The following SAMMSON variants were observed in gnomAD, a reference collection of about 807,000 sequenced individuals.
The protein encoded by SAMMSON is long intergenic non-protein coding RNA 1212.
At chr3:70,037,260 C>T (rs2067088688) in intron 3 of SAMMSON, among the ~76,000 whole-genome samples, 1 of 152,026 alleles carries the variant, frequency 6.6e-6, no homozygotes, top group Non-Finnish European at 1.5e-5. Flanking sequence ...CACTGTCCTT[C>T]CCCTCTGGCT....
intron 2 of SAMMSON, among the ~76,000 whole-genome samples, chr3:70,424,142 TG>T (rs1168656102): frequency 6.6e-6 from 1 of 152,234 alleles, no homozygotes; most frequent in Non-Finnish European, 1.5e-5. Context: ...TACATGTTTG[TG>T]TGGCTTTTTT....
intron 4 of SAMMSON, among the ~76,000 whole-genome samples, chr3:70,221,395 C>T (rs549247793): frequency 4.6e-5 from 7 of 152,194 alleles, no homozygotes; most frequent in African/African-American, 1.7e-4. Flanking sequence ...AAGAAGGGCG[C>T]TGTGCCTTAT....
chr3:70,157,249 ATTG>A lies in SAMMSON; in HGVS notation n.507+85686_507+85688del, dbSNP rs1201391050. 2.0e-5 allele frequency among the ~76,000 whole-genome samples: 3 copies of A among 152,182 alleles called. No homozygotes were observed. The East Asian group carries it at 5.8e-4, about 29-fold the overall frequency. ...ATTTTATCTAGATTCAGGGAGAGTA[ATTG>A]TCAAATCACCTGCCACTCTGGCTAC... On this transcript the variant is annotated intron_variant and non_coding_transcript_variant, in intron 4 of 9. Transcript: ENST00000642114.
At chr3:70,349,774 G>A (rs1178912640) in intron 7 of SAMMSON, among the ~76,000 whole-genome samples, 1 of 152,136 alleles carries the variant, frequency 6.6e-6, no homozygotes, top group African/African-American at 2.4e-5. Context: ...AGTATATTAT[G>A]CATAAACAGA....
chr3:70,028,042 C>G (rs1296120576), intron 3 of SAMMSON, among the ~76,000 whole-genome samples: 1 of 151,742 alleles, frequency 6.6e-6, no homozygotes, highest in Non-Finnish European at 1.5e-5. Flanking sequence ...AATACTTTAC[C>G]TCGTTGAGTC....
chr3:70,172,881 G>A (rs1303389434), intron 4 of SAMMSON: 1 of 151,912 alleles, frequency 6.6e-6, no homozygotes, highest in East Asian at 1.9e-4. Flanking sequence ...TTCCATAATA[G>A]TTATTTAACT....
At chr3:70,360,982 TTC>T (rs1412583525) in intron 9 of SAMMSON, among the ~76,000 whole-genome samples, 1 of 152,150 alleles carries the variant, frequency 6.6e-6, no homozygotes, top group Non-Finnish European at 1.5e-5. Context: ...TTTACCAGCA[TTC>T]TACCATTTAA....
chr3:70,100,321 A>G (rs1282005268), intron 4 of SAMMSON, among the ~76,000 whole-genome samples: 1 of 151,774 alleles, frequency 6.6e-6, no homozygotes, highest in Non-Finnish European at 1.5e-5. Context: ...TAATTTTTGT[A>G]TTTTTTTGTA....
chr3:70,280,383 C>T (rs958107026), intron 6 of SAMMSON, among the ~76,000 whole-genome samples: 15 of 152,144 alleles, frequency 9.9e-5, no homozygotes, highest in African/African-American at 3.6e-4. Flanking sequence ...CAGGACCTGA[C>T]ATTCTGGGTG....
intron 4 of SAMMSON, among the ~76,000 whole-genome samples, chr3:70,101,320 T>C (rs1213124617): frequency 6.6e-6 from 1 of 152,134 alleles, no homozygotes; most frequent in African/African-American, 2.4e-5. Flanking sequence ...AAACACATAT[T>C]TAGGTACTTA....
chr3:70,316,934 T>C (rs895746425), intron 7 of SAMMSON, among the ~76,000 whole-genome samples: 37 of 152,194 alleles, frequency 2.4e-4, no homozygotes, highest in African/African-American at 8.7e-4. Context: ...ACTGAGACCT[T>C]GGCTGGCATT....
intron 4 of SAMMSON, among the ~76,000 whole-genome samples, chr3:70,112,024 G>T (rs549826184): frequency 6.6e-6 from 1 of 152,120 alleles, no homozygotes; most frequent in Non-Finnish European, 1.5e-5. Flanking sequence ...TGAGAGAAAA[G>T]CTACATTATA....
chr3:70,291,982 A>T (rs1702243636), intron 7 of SAMMSON: 2 of 152,214 alleles, frequency 1.3e-5, no homozygotes, highest in Admixed American at 6.5e-5. Context: ...TTCATTAAGC[A>T]TTTCTATCAT....
chr3:70,366,492 G>GTTT, intron 9 of SAMMSON, among the ~76,000 whole-genome samples: 16,155 of 100,206 alleles, frequency 0.16, 1,829 homozygotes, highest in East Asian at 0.34. Flanking sequence ...GTGTTTTTAT[G>GTTT]TTTTTTTTTT....
chr3:70,302,860 A>C (rs1702364243), intron 7 of SAMMSON, among the ~76,000 whole-genome samples: 1 of 152,170 alleles, frequency 6.6e-6, no homozygotes, highest in African/African-American at 2.4e-5. Context: ...GATCAATCTC[A>C]TCATTTTATA....
intron 2 of SAMMSON, among the ~76,000 whole-genome samples, chr3:70,405,509 A>G (rs1169803525): frequency 6.6e-6 from 1 of 152,218 alleles, no homozygotes; most frequent in Non-Finnish European, 1.5e-5. Context: ...AGTCATAAAT[A>G]GACAACCAAA....
At chr3:70,276,972 T>A (rs1702033122) in intron 6 of SAMMSON, among the ~76,000 whole-genome samples, 1 of 152,242 alleles carries the variant, frequency 6.6e-6, no homozygotes, top group Non-Finnish European at 1.5e-5. Context: ...CACTGGATTT[T>A]TTTTTTTATT....
At chr3:70,092,938 A>G (rs2067310337) in intron 4 of SAMMSON, among the ~76,000 whole-genome samples, 1 of 149,998 alleles carries the variant, frequency 6.7e-6, no homozygotes, top group African/African-American at 2.4e-5. Flanking sequence ...CACCAGATAA[A>G]TATTCTTCAA....
At chr3:70,105,097 TC>T (rs1170919206) in intron 4 of SAMMSON, among the ~76,000 whole-genome samples, 1 of 152,106 alleles carries the variant, frequency 6.6e-6, no homozygotes, top group Non-Finnish European at 1.5e-5. Context: ...ATTTTTTTTT[TC>T]TCCTTTCATA....
Sources: allele counts gnomAD v4.1 joint callset (sites outside exome capture counted in the v4.1 genomes callset), GRCh38; gene constraint gnomAD v4.1.1; transcripts MANE v1.5; gene names NCBI Gene and HGNC (gene_info 2026-07-23, HGNC 2026-07-21).